FAM13B: variants seen among roughly 807,000 people sequenced by gnomAD.
FAM13B encodes the protein protein FAM13B.
In FAM13B, 60 loss-of-function variants were observed where a neutral mutation model predicts 117.3. The ratio of observed to expected loss-of-function variants is 0.51; its 90% CI spans 0.42 to 0.63. FAM13B has a LOEUF of 0.63. Among genes scored for constraint, FAM13B ranks in the 30% least tolerant of loss-of-function variants. The pLI is 0.00. For missense variants in FAM13B, 972 were observed against 1,091.9 expected, an observed-to-expected ratio of 0.89 and a Z score of 1.55; for synonymous variants, 332 against 356.1, an observed-to-expected ratio of 0.93 and a Z score of 0.76.
At position 137,968,852 on chromosome 5, in the gene FAM13B, G is replaced by A. The variant is rs558172486; in HGVS notation, c.1180-6383C>T. Among the ~76,000 whole-genome samples the A allele has an allele frequency of 1.9e-3, 284 of 152,286 alleles. 1 individual carries two copies. Among genetic ancestry groups the A allele is most frequent in the South Asian group, 6.2e-3 (30 of 4,828 alleles). The stretch of plus-strand genomic sequence containing the variant: ...CTAGTCAAAGAAAGTGGTGACAGAC[G>A]GCACCTAGAAAATTGGGTCACTCCC... On this transcript the variant is annotated intron_variant, in intron 10 of 23. Transcript: ENST00000689681.
chr5:138,021,339 T>G, intron 1 of FAM13B, 142 bp from the exon 2 acceptor site: 1 of 608,250 alleles, frequency 1.6e-6, no homozygotes, highest in Non-Finnish European at 2.4e-6. Context: ...ATCTGTAACC[T>G]AAAGGCAAAA....
At chr5:138,006,953 T>C (rs986116045) in intron 7 of FAM13B, 37 bp downstream of exon 7, 2 of 1,557,582 alleles carry the variant, frequency 1.3e-6, no homozygotes, top group Non-Finnish European at 1.7e-6. Context: ...TAGAATGAAA[T>C]ACTCAAAAGC....
intron 7 of FAM13B, among the ~76,000 whole-genome samples, chr5:137,991,201 G>A (rs1266659997): frequency 1.3e-5 from 2 of 152,146 alleles, no homozygotes; most frequent in African/African-American, 4.8e-5. Flanking sequence ...TACTATATTT[G>A]CAGAATTATT....
chr5:138,013,210 A>T (rs2150921002), intron 4 of FAM13B, among the ~76,000 whole-genome samples: 1 of 148,952 alleles, frequency 6.7e-6, no homozygotes, highest in Non-Finnish European at 1.5e-5. Flanking sequence ...CTCAAAAAGA[A>T]AAAAAAAAAG....
At chr5:138,024,895 G>T (rs1451458272) in intron 1 of FAM13B, among the ~76,000 whole-genome samples, 1 of 64,994 alleles carries the variant, frequency 1.5e-5, no homozygotes, top group Non-Finnish European at 3.8e-5. Flanking sequence ...TTTTGAGACA[G>T]AGTCTTACTC....
At chr5:138,025,309 A>G (rs199990926) in intron 1 of FAM13B, among the ~76,000 whole-genome samples, 28 of 25,536 alleles carry the variant, frequency 1.1e-3, no homozygotes, top group East Asian at 3.3e-3. Flanking sequence ...ATATATATAT[A>G]TGTATTTTTT....
At chr5:138,012,211 A>G (rs1031030332) in intron 4 of FAM13B, among the ~76,000 whole-genome samples, 1 of 122,688 alleles carries the variant, frequency 8.2e-6, no homozygotes, top group Non-Finnish European at 1.6e-5. Context: ...ATTGGCCCCA[A>G]TTCTCTTTTT....
intron 10 of FAM13B, among the ~76,000 whole-genome samples, chr5:137,984,914 G>A (rs967805307): frequency 2.0e-5 from 3 of 151,808 alleles, no homozygotes; most frequent in East Asian, 1.9e-4. Context: ...GATTACAGGC[G>A]CCCACCACCA....
intron 1 of FAM13B, among the ~76,000 whole-genome samples, chr5:138,041,667 T>C (rs943199818): frequency 6.6e-6 from 1 of 152,090 alleles, no homozygotes; most frequent in African/African-American, 2.4e-5. Flanking sequence ...CTGGGCATGG[T>C]GGTTCACACC....
intron 10 of FAM13B, among the ~76,000 whole-genome samples, chr5:137,973,676 A>C (rs1213532093): frequency 8.3e-4 from 126 of 151,832 alleles, no homozygotes; most frequent in Middle Eastern, 3.4e-3. Context: ...CAACCTACAG[A>C]ATGGGAGAAA....
intron 7 of FAM13B, among the ~76,000 whole-genome samples, chr5:137,999,413 T>C (rs919567844): frequency 2.0e-5 from 3 of 152,122 alleles, no homozygotes; most frequent in Non-Finnish European, 4.4e-5. Context: ...CCATCTCTAC[T>C]AAAAATACAA....
rs1359519459 is a variant in FAM13B at position 137,954,333 on chromosome 5, A to G, written c.1551T>C (p.Ser517=). ...CTTGTGGAGACAGCTGAGCTTCTCC[A>G]GACTCAGAGTCCTCCTGCCAAGACT... The part of the protein sequence containing the change: ...AFKSWQEDSE[S]GEAQLSPQAG... Residue 517 remains serine, a synonymous_variant, in exon 15 of 24, where the codon TCT becomes TCC. Coordinates refer to ENST00000689681, the MANE Select transcript of FAM13B (RefSeq NM_001385994.1). The G allele has an allele frequency of 6.2e-7, 1 of 1,614,030 alleles. No homozygotes were observed. Among genetic ancestry groups the G allele is most frequent in the Admixed American group, 1.7e-5 (1 of 60,014 alleles).
chr5:137,960,227 G>A lies in FAM13B; in HGVS notation c.1245-13C>T. ...CAAATATTCTTCCCTAAAAATACAA[G>A]TAAAGTTGTTAGTATATTAAGAATA... On this transcript the variant is annotated splice_polypyrimidine_tract_variant and intron_variant, in intron 11 of 23. Coordinates refer to ENST00000689681, the MANE Select transcript of FAM13B (RefSeq NM_001385994.1). 6.9e-7 allele frequency: 1 copy of A among 1,439,754 alleles called. No individual in the cohort carries two copies. Among genetic ancestry groups the A allele is most frequent in the Non-Finnish European group, 9.6e-7 (1 of 1,040,106 alleles). 89.2% of individuals were successfully genotyped at this position (1,439,754 alleles called of 1,614,324 possible). A position where few individuals can be genotyped will look rare whatever the true frequency, so the allele number is the denominator to read the frequency against.
chr5:138,022,686 T>A (rs191786439), intron 1 of FAM13B, among the ~76,000 whole-genome samples: 61 of 152,306 alleles, frequency 4.0e-4, no homozygotes, highest in Admixed American at 1.7e-3. Flanking sequence ...CAAGCTGATA[T>A]CCTCATGACA....
intron 7 of FAM13B, 63 bp from the exon 8 acceptor site, chr5:137,988,378 T>C: frequency 7.4e-7 from 1 of 1,351,238 alleles, no homozygotes; most frequent in Non-Finnish European, 1.0e-6. Context: ...CAAAATGTGC[T>C]GAAATCTGCC....
At chr5:138,022,196 T>C (rs998094867) in intron 1 of FAM13B, among the ~76,000 whole-genome samples, 2 of 151,764 alleles carry the variant, frequency 1.3e-5, no homozygotes, top group Non-Finnish European at 2.9e-5. Context: ...ATGCAGTAGA[T>C]AGAGAACCAG....
At chr5:137,961,354 G>A (rs1035492608) in intron 11 of FAM13B, among the ~76,000 whole-genome samples, 1 of 144,220 alleles carries the variant, frequency 6.9e-6, no homozygotes, top group Non-Finnish European at 1.5e-5. Flanking sequence ...CAACAGAAGA[G>A]TCCTCACTAA....
intron 7 of FAM13B, among the ~76,000 whole-genome samples, chr5:138,005,844 A>G (rs1782397728): frequency 6.6e-6 from 1 of 152,034 alleles, no homozygotes; most frequent in African/African-American, 2.4e-5. Flanking sequence ...TCCCTTAGAT[A>G]TTACCAGTTA....
intron 10 of FAM13B, among the ~76,000 whole-genome samples, chr5:137,970,561 A>G (rs1384837825): frequency 6.6e-6 from 1 of 152,184 alleles, no homozygotes; most frequent in Non-Finnish European, 1.5e-5. Flanking sequence ...ATTAACAAGC[A>G]AAATAATGAG....
Sources: gnomAD v4.1 joint callset for allele counts (sites outside exome capture counted in the v4.1 genomes callset) on GRCh38, gnomAD v4.1.1 for gene constraint, MANE v1.5 for transcripts, NCBI Gene and HGNC (gene_info 2026-07-23, HGNC 2026-07-21) for gene names.